The following MLLT3 variants were observed in gnomAD, a reference collection of about 807,000 sequenced individuals.
MLLT3 encodes the protein MLLT3 super elongation complex subunit.
A neutral mutation model predicts 53.2 loss-of-function variants in MLLT3; 4 were observed. That is an observed-to-expected ratio of 0.08 (90% CI 0.04 to 0.17). The LOEUF (loss-of-function observed/expected upper bound fraction) is 0.17, where lower values mean the gene tolerates loss of function less well. Ranked by LOEUF, MLLT3 falls within the 10% of genes least tolerant of loss-of-function variation. The pLI is 1.00. For missense variants in MLLT3, 569 were observed against 684.0 expected (o/e 0.83, Z 1.87); for synonymous variants, 283 against 230.6 (o/e 1.23, Z -2.06).
At chr9:20,538,564 T>C (rs1190600637) in intron 2 of MLLT3, among the ~76,000 whole-genome samples, 1 of 152,166 alleles carries the variant, frequency 6.6e-6, no homozygotes, top group Non-Finnish European at 1.5e-5. Context: ...AGTAAATTCG[T>C]ATACCAAAGT....
intron 2 of MLLT3, among the ~76,000 whole-genome samples, chr9:20,592,332 G>C (rs1820150207): frequency 6.6e-6 from 1 of 152,150 alleles, no homozygotes; most frequent in African/African-American, 2.4e-5. Context: ...GGTGGCTTAA[G>C]CAACAGGAAT....
At chr9:20,545,266 G>A (rs1461480854) in intron 2 of MLLT3, among the ~76,000 whole-genome samples, 1 of 152,160 alleles carries the variant, frequency 6.6e-6, no homozygotes, top group African/African-American at 2.4e-5. Context: ...TACTATAAGA[G>A]TGAACCCTGA....
At chr9:20,554,788 T>G (rs930335155) in intron 2 of MLLT3, among the ~76,000 whole-genome samples, 1 of 152,222 alleles carries the variant, frequency 6.6e-6, no homozygotes, top group Non-Finnish European at 1.5e-5. Context: ...CCTGGCTTTT[T>G]GCTTTTGTTC....
At chr9:20,564,230 T>C (rs558733095) in intron 2 of MLLT3, among the ~76,000 whole-genome samples, 3 of 152,260 alleles carry the variant, frequency 2.0e-5, no homozygotes, top group African/African-American at 7.2e-5. Flanking sequence ...AAAACACTAC[T>C]AACTTCACTT....
At chr9:20,498,159 C>T (rs1825124678) in intron 2 of MLLT3, among the ~76,000 whole-genome samples, 1 of 131,532 alleles carries the variant, frequency 7.6e-6, no homozygotes, top group African/African-American at 2.8e-5. Flanking sequence ...GAGGTGGAGG[C>T]AGAGGCTGCA....
Position 20,576,668 on chromosome 9 carries a change from T to C in MLLT3, c.193+43986A>G, listed in dbSNP as rs150864648. The stretch of plus-strand genomic sequence containing the variant: ...TCATGGCAACACAAAACAATTACAA[T>C]AGTAACATCAACGATCACTGATCAC... On this transcript the variant is annotated intron_variant, in intron 2 of 10. Transcript: ENST00000380338. Among the ~76,000 whole-genome samples, 59 of 152,176 alleles carry C rather than the reference T, an allele frequency of 3.9e-4. No individual in the cohort carries two copies. The East Asian group carries it at 0.01, about 26-fold the overall frequency.
In MLLT3 at chr9:20,620,727, C is replaced by A; in HGVS notation, c.120G>T (p.Glu40Asp). The A allele has an allele frequency of 1.2e-6, 2 of 1,614,202 alleles. No individual in the cohort carries two copies. Among genetic ancestry groups the A allele is most frequent in the Non-Finnish European group, 1.7e-6 (2 of 1,180,036 alleles). The change falls in exon 2 of 11, where the codon GAG (glutamate) becomes GAT (aspartate). Residue 40 changes from glutamate to aspartate, a missense_variant. Physicochemically the swap from Glu to Asp is conservative, Grantham distance 45. Coordinates refer to ENST00000380338, the MANE Select transcript of MLLT3 (RefSeq NM_004529.4). This position sits in a 1 kb window ranked among gnomAD's most constrained non-coding sequence, Gnocchi z 6.1. ...HDWMVFVRGP[E>D]HSNIQHFVEK... ...CCACAAAGTGCTGTATGTTACTGTG[C>A]TCCGGACCGCGTACGAACACCATCC...
At position 20,622,401 on chromosome 9, in the gene MLLT3, T is replaced by A. The variant is rs1260180024; in HGVS notation, c.-145A>T. 1.4e-5 allele frequency: 10 copies of A among 734,204 alleles called. No homozygotes were observed. The highest frequency in any genetic ancestry group is 2.1e-5 in the Non-Finnish European group (10 of 467,072). The allele number at this position is 734,204 out of a possible 1,614,324, so 45.5% of individuals were successfully genotyped here. On this transcript the variant is annotated 5_prime_UTR_variant, in exon 1 of 11. Coordinates refer to ENST00000380338, the MANE Select transcript of MLLT3 (RefSeq NM_004529.4). Reference sequence around the variant, plus strand: ...AGATGGCGGACATTCTCTGCCTTTTTCCCCCCGCGCTCGCTTGCTCGCTCG... The same window carrying A: ...AGATGGCGGACATTCTCTGCCTTTTACCCCCCGCGCTCGCTTGCTCGCTCG...
chr9:20,597,636 G>A (rs116429453), intron 2 of MLLT3, among the ~76,000 whole-genome samples: 414 of 152,224 alleles, frequency 2.7e-3, no homozygotes, highest in African/African-American at 9.4e-3. Context: ...ACTGCAGAGT[G>A]GTGTCATGTA....
At chr9:20,488,672 G>C (rs1824872528) in intron 2 of MLLT3, among the ~76,000 whole-genome samples, 1 of 152,112 alleles carries the variant, frequency 6.6e-6, no homozygotes, top group Non-Finnish European at 1.5e-5. Context: ...CTTTCAAAGA[G>C]CTTCTGAAAG....
At chr9:20,436,248 T>A (rs2118826055) in intron 4 of MLLT3, among the ~76,000 whole-genome samples, 1 of 152,214 alleles carries the variant, frequency 6.6e-6, no homozygotes, top group South Asian at 2.1e-4. Context: ...AAAGAAAAAC[T>A]CCAAAAATTA....
intron 5 of MLLT3, among the ~76,000 whole-genome samples, chr9:20,398,717 T>C (rs1488767285): frequency 6.6e-6 from 1 of 152,148 alleles, no homozygotes; most frequent in Non-Finnish European, 1.5e-5. Flanking sequence ...TTTCTTTCAC[T>C]GCAACATCCT....
intron 3 of MLLT3, among the ~76,000 whole-genome samples, chr9:20,449,653 T>A (rs1036467451): frequency 6.6e-6 from 1 of 152,168 alleles, no homozygotes; most frequent in South Asian, 2.1e-4. Flanking sequence ...AATATAGGAA[T>A]TAACTACTCA....
chr9:20,566,985 GT>G (rs1819393262), intron 2 of MLLT3, among the ~76,000 whole-genome samples: 1 of 152,080 alleles, frequency 6.6e-6, no homozygotes, highest in Non-Finnish European at 1.5e-5. Flanking sequence ...CTCAAGGGCA[GT>G]CTTATTAACT....
intron 2 of MLLT3, among the ~76,000 whole-genome samples, chr9:20,466,521 C>T (rs1173084826): frequency 6.6e-6 from 1 of 152,150 alleles, no homozygotes; most frequent in Non-Finnish European, 1.5e-5. Context: ...TATCAGTTTA[C>T]TGTTTTCTCC....
At chr9:20,499,963 G>A (rs1283115300) in intron 2 of MLLT3, among the ~76,000 whole-genome samples, 2 of 152,200 alleles carry the variant, frequency 1.3e-5, no homozygotes, top group African/African-American at 4.8e-5. Context: ...ATTCAGAGAT[G>A]CCTCTTATTC....
intron 2 of MLLT3, among the ~76,000 whole-genome samples, chr9:20,594,352 C>A (rs1820199669): frequency 6.6e-6 from 1 of 152,150 alleles, no homozygotes; most frequent in African/African-American, 2.4e-5. Context: ...GAGCTCCTCT[C>A]TACCCTGAAT....
chr9:20,572,306 G>A lies in MLLT3; in HGVS notation c.193+48348C>T, dbSNP rs143768479. Among the ~76,000 whole-genome samples the A allele has an allele frequency of 1.7e-3, 262 of 152,140 alleles. 1 individual carries two copies. Among genetic ancestry groups the A allele is most frequent in the Non-Finnish European group, 2.7e-3 (181 of 67,986 alleles). On this transcript the variant is annotated intron_variant, in intron 2 of 10. Transcript: ENST00000380338. ...GGAGATCAAATAGGAAGCTGACCAC[G>A]GTTAATAATAATATACGGTATATTT...
chr9:20,509,616 A>C (rs1259248076), intron 2 of MLLT3, among the ~76,000 whole-genome samples: 2 of 152,194 alleles, frequency 1.3e-5, no homozygotes, highest in Non-Finnish European at 2.9e-5. Flanking sequence ...ACTGTATGAT[A>C]CCATGTTAAA....
Sources: gnomAD v4.1 joint callset for allele counts (sites outside exome capture counted in the v4.1 genomes callset) on GRCh38, gnomAD v4.1.1 for gene constraint, Gnocchi (gnomAD v3.1) non-coding constraint, MANE v1.5 for transcripts, NCBI Gene and HGNC (gene_info 2026-07-23, HGNC 2026-07-21) for gene names.